THRB: variants seen among roughly 807,000 people sequenced by gnomAD.
THRB encodes thyroid hormone receptor beta.
Under a neutral mutation model 47.8 loss-of-function variants are expected in THRB, and 12 were observed. The observed-to-expected ratio is 0.25, with a 90% CI of 0.16 to 0.41. The LOEUF (loss-of-function observed/expected upper bound fraction) is 0.41. THRB is among the 10% of genes least tolerant of loss of function. The pLI is 1.00. For synonymous variants in THRB, 218 were observed against 212.2 expected (o/e 1.03, Z -0.24); for missense variants, 348 against 589.2 (o/e 0.59, Z 4.24).
intron 5 of THRB, chr3:24,165,402 G>T (rs751835324): frequency 1.4e-6 from 1 of 721,816 alleles, no homozygotes; most frequent in Admixed American, 1.8e-5. Flanking sequence ...CACAGTCTAC[G>T]CATGCATTCT....
chr3:24,263,873 T>C (rs757046848), intron 3 of THRB, among the ~76,000 whole-genome samples: 2 of 152,212 alleles, frequency 1.3e-5, no homozygotes, highest in Non-Finnish European at 2.9e-5. Context: ...CTACATGTAA[T>C]AAGTACACAA....
intron 3 of THRB, among the ~76,000 whole-genome samples, chr3:24,267,252 G>GT (rs956457292): frequency 1.8e-4 from 27 of 151,980 alleles, no homozygotes; most frequent in African/African-American, 6.3e-4. Context: ...ATTTGTAGCA[G>GT]TTACATAAGT....
chr3:24,135,820 C>CATATATAT (rs34338818), intron 8 of THRB, among the ~76,000 whole-genome samples: 1,599 of 98,352 alleles, frequency 0.016, 21 homozygotes, highest in South Asian at 0.029. Context: ...GGCAGAGAGT[C>CATATATAT]ATATATATAT....
At chr3:24,134,584 G>A (rs1397551895) in intron 8 of THRB, among the ~76,000 whole-genome samples, 1 of 151,912 alleles carries the variant, frequency 6.6e-6, no homozygotes, top group Non-Finnish European at 1.5e-5. Context: ...ACTCCACACA[G>A]CAGTCTCCCC....
chr3:24,318,142 A>G (rs949385461), intron 2 of THRB, among the ~76,000 whole-genome samples: 4 of 152,252 alleles, frequency 2.6e-5, no homozygotes, highest in Non-Finnish European at 4.4e-5. Flanking sequence ...TTCAGAGTTC[A>G]GAGACAGTCA....
At chr3:24,170,919 G>A (rs1053028901) in intron 5 of THRB, among the ~76,000 whole-genome samples, 7 of 151,872 alleles carry the variant, frequency 4.6e-5, no homozygotes, top group African/African-American at 1.5e-4. Flanking sequence ...AGGCTTGAAA[G>A]TTTCTGGGAG....
intron 3 of THRB, among the ~76,000 whole-genome samples, chr3:24,294,321 A>G (rs2056250995): frequency 1.3e-5 from 2 of 152,178 alleles, no homozygotes; most frequent in South Asian, 4.1e-4. Flanking sequence ...CACATTGCTG[A>G]GCCCAGCCCA....
chr3:24,214,926 C>G (rs10510540), intron 4 of THRB, among the ~76,000 whole-genome samples: 16,859 of 152,210 alleles, frequency 0.11, 2,605 homozygotes, highest in African/African-American at 0.35. Context: ...AATTAAACAT[C>G]CTTCATAGAC....
intron 1 of THRB, among the ~76,000 whole-genome samples, chr3:24,479,801 G>A (rs1696095633): frequency 6.6e-6 from 1 of 152,080 alleles, no homozygotes; most frequent in East Asian, 1.9e-4. Flanking sequence ...TACTCCCATG[G>A]CACCACTTCA....
intron 4 of THRB, among the ~76,000 whole-genome samples, chr3:24,202,104 T>A (rs2044662090): frequency 6.6e-6 from 1 of 152,138 alleles, no homozygotes; most frequent in African/African-American, 2.4e-5. Flanking sequence ...ACACCCTTTA[T>A]GGGAAGTCAA....
At chr3:24,434,841 T>C (rs753336522) in intron 1 of THRB, among the ~76,000 whole-genome samples, 12 of 152,128 alleles carry the variant, frequency 7.9e-5, no homozygotes, top group Non-Finnish European at 1.3e-4. Flanking sequence ...GGGGAGGAAA[T>C]AGACACTAAT....
At chr3:24,448,143 G>C (rs1351971873) in intron 1 of THRB, among the ~76,000 whole-genome samples, 1 of 151,802 alleles carries the variant, frequency 6.6e-6, no homozygotes, top group African/African-American at 2.4e-5. Flanking sequence ...GCAGAGCACT[G>C]ACCCCTGACA....
At chr3:24,199,854 C>T (rs1438622061) in intron 4 of THRB, among the ~76,000 whole-genome samples, 4 of 152,088 alleles carry the variant, frequency 2.6e-5, no homozygotes, top group Admixed American at 1.3e-4. Flanking sequence ...GAAAACATGG[C>T]GGTGACCAGG....
chr3:24,186,494 G>A (rs548259673), intron 5 of THRB, among the ~76,000 whole-genome samples: 43 of 152,280 alleles, frequency 2.8e-4, no homozygotes, highest in African/African-American at 7.7e-4. Context: ...GGTTAAAATA[G>A]CCTCTGATAC....
intron 5 of THRB, among the ~76,000 whole-genome samples, chr3:24,173,216 G>T (rs1180114663): frequency 6.6e-6 from 1 of 152,152 alleles, no homozygotes; most frequent in Non-Finnish European, 1.5e-5. Context: ...CTTAGTAAAG[G>T]CTGAAGTTGC....
At chr3:24,375,546 ATAT>A (rs1432178069) in intron 1 of THRB, among the ~76,000 whole-genome samples, 1 of 147,936 alleles carries the variant, frequency 6.8e-6, no homozygotes, top group Non-Finnish European at 1.5e-5. Flanking sequence ...TAGACATATA[ATAT>A]TAATAAATAT....
chr3:24,212,852 A>G (rs1231893087), intron 4 of THRB, among the ~76,000 whole-genome samples: 1 of 152,118 alleles, frequency 6.6e-6, no homozygotes, highest in Non-Finnish European at 1.5e-5. Context: ...TTCTGTATCT[A>G]ATTTGTCCTC....
intron 1 of THRB, among the ~76,000 whole-genome samples, chr3:24,403,513 G>A (rs2067587237): frequency 9.5e-6 from 1 of 104,858 alleles, no homozygotes; most frequent in African/African-American, 3.2e-5. Flanking sequence ...ATACTACTAA[G>A]GCATTACTTT....
chr3:24,235,432 C>A (rs117362499), intron 3 of THRB, among the ~76,000 whole-genome samples: 2 of 152,138 alleles, frequency 1.3e-5, no homozygotes, highest in Non-Finnish European at 2.9e-5. Context: ...TCATCATCAA[C>A]CTTTTGTGGC....
Sources: allele counts gnomAD v4.1 joint callset (sites outside exome capture counted in the v4.1 genomes callset), GRCh38; gene constraint gnomAD v4.1.1; transcripts MANE v1.5; gene names NCBI Gene and HGNC (gene_info 2026-07-23, HGNC 2026-07-21).